TERF1: variants seen among roughly 807,000 people sequenced by gnomAD.
TERF1 encodes the protein telomeric repeat-binding factor 1.
A neutral mutation model predicts 55.1 loss-of-function variants in TERF1; 20 were observed. That is an observed-to-expected ratio of 0.36 (90% CI 0.26 to 0.53). The LOEUF (loss-of-function observed/expected upper bound fraction) is 0.53. Among genes scored for constraint, TERF1 ranks in the 20% least tolerant of loss-of-function variants. TERF1 has a pLI of 0.91. For synonymous variants in TERF1, 168 were observed against 181.2 expected (o/e 0.93, Z 0.59); for missense variants, 439 against 535.7 (o/e 0.82, Z 1.78).
intron 1 of TERF1, chr8:73,009,617 T>C (rs1808197381): frequency 6.1e-6 from 1 of 164,892 alleles, no homozygotes. Flanking sequence ...CTATTAAATC[T>C]CATTTGGCCT....
At chr8:73,031,982 G>A (rs1809305251) in intron 7 of TERF1, 60 bp from the exon 8 acceptor site, 7 of 1,190,486 alleles carry the variant, frequency 5.9e-6, no homozygotes, top group Non-Finnish European at 7.3e-6. Context: ...TCATTTACCT[G>A]TTTTCCATTG....
rs555372186 is a variant in TERF1 at position 73,038,035 on chromosome 8, A to AGTAGGTAG, written c.1040-1069_1040-1062dup. Among the ~76,000 whole-genome samples, 725 of 147,528 alleles carry AGTAGGTAG rather than the reference A, an allele frequency of 4.9e-3. 4 individuals are homozygous for AGTAGGTAG. The highest frequency in any genetic ancestry group is 0.017 in the African/African-American group (666 of 39,968). On this transcript the variant is annotated intron_variant, in intron 8 of 9. Transcript: ENST00000276603. ...GAACCTGCGAATATAGAAGGCCAGC[A>AGTAGGTAG]GTAGGTAGGTAGGTAGGTAAGTAGA...
In TERF1 at chr8:73,037,893, AAT is replaced by A. The variant is rs1321554453; in HGVS notation, c.1040-1215_1040-1214del. On this transcript the variant is annotated intron_variant, in intron 8 of 9. Transcript: ENST00000276603. The stretch of plus-strand genomic sequence containing the variant: ...TATAATATATATAAATATGATATAT[AAT>A]ATATATAAATATGATATAATATATA... 5.7e-5 allele frequency among the ~76,000 whole-genome samples: 7 copies of A among 122,218 alleles called. No individual in the cohort carries two copies. The South Asian group carries it at 1.1e-3, about 19-fold the overall frequency. The allele number at this position is 122,218 out of a possible 152,430, so 80.2% of individuals were successfully genotyped here.
In TERF1 at chr8:73,008,911, G is replaced by A. The variant is rs1275326897; in HGVS notation, c.25G>A (p.Ala9Thr). Residue 9 changes from alanine to threonine, a missense_variant, in exon 1 of 10, where the codon GCC (alanine) becomes ACC (threonine). Ala to Thr is a moderately conservative substitution (Grantham distance 58). This residue lies in a region of TERF1 where 179 missense variants were observed against 152.6 expected (regional missense o/e 1.17). Transcript: ENST00000276603. Reference sequence around the variant, plus strand: ...CATGGCGGAGGATGTTTCCTCAGCGGCCCCGAGCCCGCGGGGCTGTGCGGA... The same window carrying A: ...CATGGCGGAGGATGTTTCCTCAGCGACCCCGAGCCCGCGGGGCTGTGCGGA... MAEDVSSA[A>T]PSPRGCADGR... The A allele has an allele frequency of 1.9e-6, 3 of 1,610,044 alleles. No individual in the cohort carries two copies. Among genetic ancestry groups the A allele is most frequent in the South Asian group, 2.2e-5 (2 of 90,154 alleles).
At chr8:73,040,275 G>A (rs1809779710) in intron 9 of TERF1, among the ~76,000 whole-genome samples, 2 of 152,124 alleles carry the variant, frequency 1.3e-5, no homozygotes, top group South Asian at 2.1e-4. Context: ...GATTTAGGGG[G>A]TGTACCTCAG....
intron 9 of TERF1, among the ~76,000 whole-genome samples, chr8:73,041,662 G>A (rs775329681): frequency 3.9e-5 from 6 of 152,150 alleles, no homozygotes; most frequent in Non-Finnish European, 5.9e-5. Context: ...AGACCAGAAC[G>A]CTTTCCTCAT....
At chr8:73,036,855 T>C (rs1233337569) in intron 8 of TERF1, among the ~76,000 whole-genome samples, 1 of 145,418 alleles carries the variant, frequency 6.9e-6, no homozygotes, top group Admixed American at 7.1e-5. Context: ...TTATATATAA[T>C]ATATTATATA....
intron 9 of TERF1, among the ~76,000 whole-genome samples, chr8:73,040,431 C>T (rs1256063697): frequency 6.6e-6 from 1 of 152,076 alleles, no homozygotes; most frequent in African/African-American, 2.4e-5. Flanking sequence ...TAACTTTTTT[C>T]AGAGTTTGGG....
intron 9 of TERF1, among the ~76,000 whole-genome samples, chr8:73,039,781 G>A (rs57169268): frequency 4.4e-5 from 6 of 135,744 alleles, no homozygotes; most frequent in African/African-American, 1.7e-4. Flanking sequence ...GTGTGTGTGT[G>A]TGTGTGTGTG....
chr8:73,037,806 T>G (rs1432633181), intron 8 of TERF1, among the ~76,000 whole-genome samples: 1 of 100,950 alleles, frequency 9.9e-6, no homozygotes. Flanking sequence ...TATAATAATA[T>G]ATATATTATA....
intron 5 of TERF1, among the ~76,000 whole-genome samples, chr8:73,025,826 G>A (rs974689065): frequency 6.6e-6 from 1 of 150,490 alleles, no homozygotes; most frequent in Non-Finnish European, 1.5e-5. Flanking sequence ...ACTTTGGGGA[G>A]TTGAGGCTGT....
At chr8:73,023,391 C>T (rs1463182092) in intron 4 of TERF1, among the ~76,000 whole-genome samples, 3 of 152,076 alleles carry the variant, frequency 2.0e-5, no homozygotes, top group Non-Finnish European at 4.4e-5. Context: ...GAGCACCTTC[C>T]CTTGATAATG....
intron 2 of TERF1, among the ~76,000 whole-genome samples, chr8:73,019,633 A>T (rs1808666644): frequency 6.6e-6 from 1 of 152,186 alleles, no homozygotes; most frequent in Non-Finnish European, 1.5e-5. Flanking sequence ...TGGCTCAAGC[A>T]GTCCTCCCAC....
chr8:73,021,600 A>G lies in TERF1; in HGVS notation c.538-616A>G, dbSNP rs13273500. Among the ~76,000 whole-genome samples, 27 of 152,280 alleles carry G rather than the reference A, an allele frequency of 1.8e-4. No individual in the cohort carries two copies. In the East Asian group the frequency reaches 5.0e-3, roughly 28 times the overall value. ...ATAAAACTCTTACATCCTCATAACA[A>G]TCCTATGAAATAGGTACTATTGTTT... On this transcript the variant is annotated intron_variant, in intron 3 of 9. Coordinates refer to ENST00000276603, the MANE Select transcript of TERF1 (RefSeq NM_017489.3).
chr8:73,017,193 GT>G (rs2129745623), intron 2 of TERF1, among the ~76,000 whole-genome samples: 1 of 152,252 alleles, frequency 6.6e-6, no homozygotes, highest in African/African-American at 2.4e-5. Flanking sequence ...GTTAAGTAAT[GT>G]CAGTCAAGAA....
intron 2 of TERF1, 86 bp downstream of exon 2, chr8:73,014,076 G>C: frequency 1.8e-6 from 2 of 1,139,712 alleles, no homozygotes; most frequent in Non-Finnish European, 2.6e-6. Flanking sequence ...GTTTTTGGGG[G>C]AAGTTTGCCT....
In TERF1 at chr8:73,020,749, A is replaced by T; in HGVS notation, c.481A>T (p.Ile161Phe). The T allele has an allele frequency of 1.9e-6, 3 of 1,565,254 alleles. No individual in the cohort carries two copies. The highest frequency in any genetic ancestry group is 2.6e-6 in the Non-Finnish European group (3 of 1,140,630). Reference protein sequence around the residue: ...LESALMIWGSIEKEHDKLHEE... With the variant: ...LESALMIWGSFEKEHDKLHEE... Reference sequence around the variant, plus strand: ...ATCAGCCCTGATGATTTGGGGTTCAATTGAAAAGGAACATGACAAACTTCA... The same window carrying T: ...ATCAGCCCTGATGATTTGGGGTTCATTTGAAAAGGAACATGACAAACTTCA... The change falls in exon 3 of 10, where the codon ATT (isoleucine) becomes TTT (phenylalanine). Residue 161 changes from isoleucine to phenylalanine, a missense_variant. Transcript: ENST00000276603.
At chr8:73,044,326 C>T (rs1809948784) in intron 9 of TERF1, among the ~76,000 whole-genome samples, 1 of 152,134 alleles carries the variant, frequency 6.6e-6, no homozygotes, top group South Asian at 2.1e-4. Flanking sequence ...GGATTTAAGT[C>T]ACAAAGCAGA....
In TERF1 at chr8:73,008,952, C is replaced by T; in HGVS notation, c.66C>T (p.Asp22=). ...PRGCADGRDA[D]PTEEQMAETE... is the part of the protein sequence containing the mutation. Reference sequence around the variant, plus strand: ...GCTGTGCGGATGGTAGGGATGCCGACCCTACTGAGGAGCAGATGGCAGAAA... The same window carrying T: ...GCTGTGCGGATGGTAGGGATGCCGATCCTACTGAGGAGCAGATGGCAGAAA... The change falls in exon 1 of 10, where the codon GAC becomes GAT. Residue 22 remains aspartate, a synonymous_variant. Coordinates refer to ENST00000276603, the MANE Select transcript of TERF1 (RefSeq NM_017489.3). 1 of 1,612,992 alleles carries T rather than the reference C, an allele frequency of 6.2e-7. No individual in the cohort carries two copies. The highest frequency in any genetic ancestry group is 8.5e-7 in the Non-Finnish European group (1 of 1,179,712).
Sources: allele counts gnomAD v4.1 joint callset (sites outside exome capture counted in the v4.1 genomes callset), GRCh38; gene constraint gnomAD v4.1.1; regional missense constraint gnomAD v4.1.1; transcripts MANE v1.5; gene names NCBI Gene and HGNC (gene_info 2026-07-23, HGNC 2026-07-21).